Variants in SERINC2 observed in about 807,000 individuals in gnomAD.
SERINC2 encodes serine incorporator 2.
Under a neutral mutation model 54.2 loss-of-function variants are expected in SERINC2, and 56 were observed. That is an observed-to-expected ratio of 1.03 (90% CI 0.83 to 1.29). The LOEUF is 1.29. SERINC2 is among the 50% of genes most tolerant of loss of function. SERINC2 has a pLI of 0.00. For missense variants in SERINC2, 614 were observed against 607.4 expected (o/e 1.01, Z -0.12); for synonymous variants, 272 against 253.1 (o/e 1.07, Z -0.71).
At chr1:31,428,694 G>A (rs1641109415) in intron 6 of SERINC2, among the ~76,000 whole-genome samples, 1 of 152,190 alleles carries the variant, frequency 6.6e-6, no homozygotes, top group African/African-American at 2.4e-5. Context: ...GAGGGGGACA[G>A]TGGGCCAGGT....
At chr1:31,420,120 G>A (rs1486967056) in intron 1 of SERINC2, among the ~76,000 whole-genome samples, 2 of 152,162 alleles carry the variant, frequency 1.3e-5, no homozygotes, top group Non-Finnish European at 2.9e-5. Flanking sequence ...TGGCATTTCT[G>A]TAGGAAGAGA....
chr1:31,434,169 A>G lies in SERINC2; in HGVS notation c.1338A>G (p.Pro446=), dbSNP rs142045487. The stretch of plus-strand genomic sequence containing the variant: ...TCTACCTGTGGACCCTGGTAGCCCC[A>G]CTCCTCCTGCGCAACCGCGACTTCA... ...LLLYLWTLVA[P]LLLRNRDFS Residue 446 remains proline (P), a synonymous_variant, in exon 10 of 10, where the codon CCA becomes CCG. Coordinates refer to ENST00000373709, the MANE Select transcript of SERINC2 (RefSeq NM_178865.5). 6.6e-5 allele frequency: 107 copies of G among 1,613,078 alleles called. No individual in the cohort carries two copies. In the African/African-American group the frequency reaches 1.4e-3, roughly 21 times the overall value.
intron 1 of SERINC2, chr1:31,414,191 C>G: frequency 7.3e-7 from 1 of 1,366,890 alleles, no homozygotes. Context: ...AACCTCTGTT[C>G]TGTAGCTGCA....
At chr1:31,424,090 A>C (rs1640969623) in intron 2 of SERINC2, among the ~76,000 whole-genome samples, 1 of 152,104 alleles carries the variant, frequency 6.6e-6, no homozygotes, top group African/African-American at 2.4e-5. Context: ...CGCCCCCTGG[A>C]CACTGGCCTA....
At chr1:31,425,956 G>A in intron 5 of SERINC2, 43 bp downstream of exon 5, 1 of 1,586,782 alleles carries the variant, frequency 6.3e-7, no homozygotes, top group Non-Finnish European at 8.6e-7. Flanking sequence ...CTCGAGCCTG[G>A]GCAGGGCTGG....
chr1:31,431,751 TAGGGTGGAGAGGGTGGAG>T (rs1428744282), intron 8 of SERINC2, among the ~76,000 whole-genome samples: 26 of 74,844 alleles, frequency 3.5e-4, no homozygotes, highest in Middle Eastern at 6.4e-3. Context: ...ATTTGGTAGA[TAGGGTGGAGAGGGTGGAG>T]AGGGTGAATA....
chr1:31,428,076 C>T (rs1363941315), intron 6 of SERINC2, among the ~76,000 whole-genome samples: 1 of 151,392 alleles, frequency 6.6e-6, no homozygotes, highest in African/African-American at 2.4e-5. Context: ...TGCTCTGTCA[C>T]TTAGGCTGGA....
At chr1:31,420,797 G>T (rs925469194) in intron 1 of SERINC2, among the ~76,000 whole-genome samples, 1 of 152,164 alleles carries the variant, frequency 6.6e-6, no homozygotes, top group Non-Finnish European at 1.5e-5. Context: ...TAGATAAAGT[G>T]CTTATCACAG....
rs1570056747 is a variant in SERINC2 at position 31,429,177 on chromosome 1, C to G, written c.871+109C>G. On this transcript the variant is annotated intron_variant, in intron 7 of 9. Coordinates refer to ENST00000373709, the MANE Select transcript of SERINC2 (RefSeq NM_178865.5). The stretch of plus-strand genomic sequence containing the variant: ...GTGACAGGGACATCCCTGCTCCAGC[C>G]CATTCTGAGACTCAGTCCTCCCATG... 4 of 1,100,868 alleles carry G rather than the reference C, an allele frequency of 3.6e-6. No individual in the cohort carries two copies. The African/African-American group carries it at 6.2e-5, about 17-fold the overall frequency. 68.2% of individuals were successfully genotyped at this position (1,100,868 alleles called of 1,614,324 possible). A position where few individuals can be genotyped will look rare whatever the true frequency, so the allele number is the denominator to read the frequency against.
upstream of SERINC2, chr1:31,410,147 A>G: frequency 7.0e-7 from 1 of 1,422,528 alleles, no homozygotes; most frequent in Non-Finnish European, 9.2e-7. Flanking sequence ...CCCTCCAGTG[A>G]GGCTCAGAGT....
At chr1:31,425,654 C>T in intron 4 of SERINC2, 122 bp from the exon 5 acceptor site, 4 of 1,268,978 alleles carry the variant, frequency 3.2e-6, no homozygotes, top group South Asian at 1.4e-5. Flanking sequence ...CTAGGGGCTC[C>T]CTGAGGGCAG....
chr1:31,425,838 A>G lies in SERINC2; in HGVS notation c.535A>G (p.Ile179Val). ...CATCCTCATCCAGCTGGTGCTGCTCATCGACTTTGCGCACTCCTGGAACCA... is the reference window on the plus strand; with the variant it reads ...CATCCTCATCCAGCTGGTGCTGCTCGTCGACTTTGCGCACTCCTGGAACCA... Reference protein sequence around the residue: ...LFILIQLVLLIDFAHSWNQRW... With the variant: ...LFILIQLVLLVDFAHSWNQRW... The change falls in exon 5 of 10, where the codon ATC becomes GTC. Residue 179 changes from isoleucine to valine, a missense_variant. Physicochemically the swap from Ile to Val is conservative, Grantham distance 29 (BLOSUM62 3). Transcript: ENST00000373709. The G allele has an allele frequency of 6.2e-7, 1 of 1,613,644 alleles. No individual in the cohort carries two copies. The highest frequency in any genetic ancestry group is 8.5e-7 in the Non-Finnish European group (1 of 1,179,922).
Position 31,433,275 on chromosome 1 carries a change from A to G in SERINC2, c.1232+90A>G, listed in dbSNP as rs1641376290. 4 of 1,124,316 alleles carry G rather than the reference A, an allele frequency of 3.6e-6. No individual in the cohort carries two copies. In the African/African-American group the frequency reaches 4.6e-5, roughly 13 times the overall value. 69.6% of individuals were successfully genotyped at this position (1,124,316 alleles called of 1,614,324 possible). On this transcript the variant is annotated intron_variant, in intron 9 of 9. Transcript: ENST00000373709. The stretch of plus-strand genomic sequence containing the variant: ...TGCGGCCCTTCACTGGGTTTTCCTG[A>G]TGTCTGCTTAAGGCTTGGGGGTGGC...
intron 1 of SERINC2, among the ~76,000 whole-genome samples, chr1:31,417,852 CT>C (rs3050463): frequency 7.3e-5 from 7 of 95,720 alleles, no homozygotes; most frequent in African/African-American, 2.5e-4. Flanking sequence ...AAATTTCATT[CT>C]TTTTTTTTTT....
intron 2 of SERINC2, among the ~76,000 whole-genome samples, chr1:31,424,378 G>T (rs1451486636): frequency 6.6e-6 from 1 of 152,204 alleles, no homozygotes; most frequent in African/African-American, 2.4e-5. Flanking sequence ...TAGGTGGTGG[G>T]TGGAGAACAC....
upstream of SERINC2, chr1:31,413,079 C>T (rs1402878172): frequency 1.2e-5 from 12 of 965,892 alleles, no homozygotes; most frequent in Admixed American, 5.3e-4. The surrounding 1 kb of genome is among the most constrained non-coding windows in gnomAD (Gnocchi z 5.0). Context: ...TAGGGTCCCT[C>T]CTGGCGCACC....
intron 8 of SERINC2, among the ~76,000 whole-genome samples, chr1:31,432,143 TGGACAGGG>T (rs1641298630): frequency 3.6e-5 from 5 of 139,106 alleles, no homozygotes; most frequent in Non-Finnish European, 7.7e-5. Flanking sequence ...GTGGACAGGG[TGGACAGGG>T]TGGACAGGGT....
Position 31,425,892 on chromosome 1 carries a change from G to A in SERINC2, c.589G>A (p.Asp197Asn), listed in dbSNP as rs782098823. 5.6e-6 allele frequency: 9 copies of A among 1,612,398 alleles called. No individual in the cohort carries two copies. The highest frequency in any genetic ancestry group is 1.7e-4 in the Middle Eastern group (1 of 5,980). The change falls in exon 5 of 10, where the codon GAT (aspartate) becomes AAT (asparagine). Residue 197 changes from aspartate (D) to asparagine (N), a missense_variant. By Grantham distance (23) the Asp-to-Asn change is conservative (BLOSUM62 1). Coordinates refer to ENST00000373709, the MANE Select transcript of SERINC2 (RefSeq NM_178865.5). ...GTGGCTGGGCAAGGCCGAGGAGTGC[G>A]ATTCCCGTGCCTGGTACGCAGGTCA... ...QRWLGKAEECDSRAWYAGLFF... is the reference protein window; with the variant it reads ...QRWLGKAEECNSRAWYAGLFF...
intron 7 of SERINC2, 137 bp from the exon 8 acceptor site, chr1:31,429,260 G>A (rs1218170570): frequency 4.4e-6 from 5 of 1,148,354 alleles, no homozygotes; most frequent in Admixed American, 2.1e-5. Context: ...ACTGCTGAGC[G>A]CTCTGTTGCT....
Sources: gnomAD v4.1 joint callset for allele counts (sites outside exome capture counted in the v4.1 genomes callset) on GRCh38, gnomAD v4.1.1 for gene constraint, Gnocchi (gnomAD v3.1) non-coding constraint, MANE v1.5 for transcripts, NCBI Gene and HGNC (gene_info 2026-07-23, HGNC 2026-07-21) for gene names.